NAGA: variants seen among roughly 807,000 people sequenced by gnomAD.
NAGA encodes the protein alpha-N-acetylgalactosaminidase, also known as Acetylgalactosaminidase, alpha-N- (alpha-galactosidase B).
In NAGA, 42 loss-of-function variants were observed where a neutral mutation model predicts 45.6. That is an observed-to-expected ratio of 0.92 (90% confidence interval 0.72 to 1.19). The LOEUF is 1.19. Among genes scored for constraint, NAGA ranks in the 50% most tolerant of loss-of-function variants. The probability of loss-of-function intolerance (pLI) is 0.00; values close to 1 mark genes in which losing one functional copy is unlikely to be tolerated. For missense variants in NAGA, 493 were observed against 544.8 expected (o/e 0.90, Z 0.95); for synonymous variants, 176 against 203.1 (o/e 0.87, Z 1.13).
chr22:42,067,817 A>G lies in NAGA; in HGVS notation c.272T>C (p.Leu91Pro), dbSNP rs2088556267. Residue 91 changes from leucine (L) to proline (P), a missense_variant, in exon 3 of 9, where the codon CTG (leucine) becomes CCG (proline). Transcript: ENST00000396398. ...WIGGRDASGR[L>P]MPDPKRFPHG... ...AGGGAAGCGCTTGGGATCCGGCATC[A>G]GGCGGCCACTGGCATCGCGACCACC... The G allele has an allele frequency of 6.2e-7, 1 of 1,612,524 alleles. No homozygotes were observed.
rs1482882514 is a variant in NAGA at position 42,070,372 on chromosome 22, A to C, written c.-75T>G. Reference sequence around the variant, plus strand: ...TCAGCTGTATGTGTTGGGCTCTGGAAGCTAAGAAACGTCTGAAAAGCACTG... The same window carrying C: ...TCAGCTGTATGTGTTGGGCTCTGGACGCTAAGAAACGTCTGAAAAGCACTG... On this transcript the variant is annotated 5_prime_UTR_variant, in exon 1 of 9. Transcript: ENST00000396398. The C allele has an allele frequency of 2.5e-6, 4 of 1,586,586 alleles. No individual in the cohort carries two copies. The South Asian group carries it at 3.3e-5, about 13-fold the overall frequency.
chr22:42,062,918 A>G lies in NAGA; in HGVS notation c.866T>C (p.Ile289Thr), dbSNP rs1044667196. 1.2e-6 allele frequency: 2 copies of G among 1,614,094 alleles called. No individual in the cohort carries two copies. Among genetic ancestry groups the G allele is most frequent in the Non-Finnish European group, 1.7e-6 (2 of 1,180,018 alleles). Reference sequence around the variant, plus strand: ...CAGAATGTCCATGTTCTGGGCGGAGATGGTACGCAGGTCTGTGGACATCAA... The same window carrying G: ...CAGAATGTCCATGTTCTGGGCGGAGGTGGTACGCAGGTCTGTGGACATCAA... ...PLLMSTDLRT[I>T]SAQNMDILQN... Residue 289 changes from isoleucine to threonine, a missense_variant, in exon 7 of 9, where the codon ATC becomes ACC. Physicochemically the swap from Ile to Thr is moderately conservative, Grantham distance 89 (BLOSUM62 -1). Transcript: ENST00000396398.
Position 42,067,819 on chromosome 22 carries a change from G to T in NAGA, c.270C>A (p.Arg90=), listed in dbSNP as rs547692110. ...GGAAGCGCTTGGGATCCGGCATCAG[G>T]CGGCCACTGGCATCGCGACCACCGA... is the stretch of plus-strand genomic sequence containing the variant. ...CWIGGRDASG[R]LMPDPKRFPH... Residue 90 remains arginine (R), a synonymous_variant, in exon 3 of 9, where the codon CGC becomes CGA. Coordinates refer to ENST00000396398, the MANE Select transcript of NAGA (RefSeq NM_000262.3). 1 of 1,612,330 alleles carries T rather than the reference G, an allele frequency of 6.2e-7. No individual in the cohort carries two copies. The highest frequency in any genetic ancestry group is 1.7e-5 in the Admixed American group (1 of 60,004).
Position 42,067,259 on chromosome 22 carries a change from T to C in NAGA, c.356A>G (p.Tyr119Cys). Reference protein sequence around the residue: ...VHSLGLKLGIYADMGNFTCMG... With the variant: ...VHSLGLKLGICADMGNFTCMG... Reference sequence around the variant, plus strand: ...GCAGGTGAAGTTGCCCATGTCCGCGTAGATACCCAACTTCAGGCCCAGGGA... The same window carrying C: ...GCAGGTGAAGTTGCCCATGTCCGCGCAGATACCCAACTTCAGGCCCAGGGA... The change falls in exon 4 of 9, where the codon TAC becomes TGC. Residue 119 changes from tyrosine (Y) to cysteine (C), a missense_variant. By Grantham distance (194) the Tyr-to-Cys change is radical. Transcript: ENST00000396398. 1 of 1,614,100 alleles carries C rather than the reference T, an allele frequency of 6.2e-7. No individual in the cohort carries two copies. The highest frequency in any genetic ancestry group is 8.5e-7 in the Non-Finnish European group (1 of 1,180,004).
intron 7 of NAGA, 105 bp from the exon 8 acceptor site, chr22:42,061,172 A>G: frequency 7.0e-7 from 1 of 1,420,484 alleles, no homozygotes; most frequent in Non-Finnish European, 9.7e-7. Context: ...TCACAGCTCC[A>G]TGTCACACAG....
chr22:42,070,457 G>C lies in NAGA; in HGVS notation c.-160C>G. 1.3e-6 allele frequency: 1 copy of C among 798,612 alleles called. No individual in the cohort carries two copies. Among genetic ancestry groups the C allele is most frequent in the Non-Finnish European group, 2.2e-6 (1 of 457,712 alleles). 49.5% of individuals were successfully genotyped at this position (798,612 alleles called of 1,614,324 possible). ...AACCTTAGGCGTGGATCGTACACTC[G>C]GTCCCCAAGTTGCCCGCCCCATCCC... On this transcript the variant is annotated 5_prime_UTR_variant, in exon 1 of 9. Transcript: ENST00000396398.
chr22:42,060,452 G>A (rs760756677), intron 8 of NAGA, 39 bp from the exon 9 acceptor site: 2 of 1,610,422 alleles, frequency 1.2e-6, no homozygotes, highest in Admixed American at 3.3e-5. Context: ...CACCATGAGA[G>A]TGGCGGCACA....
intron 3 of NAGA, among the ~76,000 whole-genome samples, 170 bp from the exon 4 acceptor site, chr22:42,067,460 C>T (rs1926809119): frequency 6.6e-6 from 1 of 152,198 alleles, no homozygotes; most frequent in Admixed American, 6.5e-5. Flanking sequence ...TCCCCCAACA[C>T]ACACCTCCCA....
At chr22:42,065,704 G>T in intron 6 of NAGA, 34 bp downstream of exon 6, 2 of 1,612,630 alleles carry the variant, frequency 1.2e-6, no homozygotes, top group Non-Finnish European at 1.7e-6. Context: ...GTCACAGATG[G>T]TGGGCCTAGG....
At chr22:42,061,140 C>T in intron 7 of NAGA, 73 bp from the exon 8 acceptor site, 1 of 1,568,602 alleles carries the variant, frequency 6.4e-7, no homozygotes, top group East Asian at 2.3e-5. Context: ...CCTGGCCCTC[C>T]CTGAGTTCTG....
chr22:42,065,720 C>T lies in NAGA; in HGVS notation c.759+18G>A. 1.2e-6 allele frequency: 2 copies of T among 1,613,254 alleles called. No individual in the cohort carries two copies. The highest frequency in any genetic ancestry group is 1.7e-6 in the Non-Finnish European group (2 of 1,179,952). ...TCACAGATGGTGGGCCTAGGGACATCCCCCTCCATCCTGGTACCATGTCAG... is the reference window on the plus strand; with the variant it reads ...TCACAGATGGTGGGCCTAGGGACATTCCCCTCCATCCTGGTACCATGTCAG... On this transcript the variant is annotated intron_variant, in intron 6 of 8. Coordinates refer to ENST00000396398, the MANE Select transcript of NAGA (RefSeq NM_000262.3).
At position 42,061,195 on chromosome 22, in the gene NAGA, T is replaced by A; in HGVS notation, c.958-128A>T. 2.5e-6 allele frequency: 3 copies of A among 1,208,198 alleles called. No individual in the cohort carries two copies. In the South Asian group the frequency reaches 3.9e-5, roughly 16 times the overall value. 74.8% of individuals were successfully genotyped at this position (1,208,198 alleles called of 1,614,324 possible). On this transcript the variant is annotated intron_variant, in intron 7 of 8. Coordinates refer to ENST00000396398, the MANE Select transcript of NAGA (RefSeq NM_000262.3). ...CCATGTCACACAGGTTTAGGGAGGA[T>A]GCCACGGGCCTCCAGCACCCCAGCT... is the stretch of plus-strand genomic sequence containing the variant.
intron 8 of NAGA, 138 bp from the exon 9 acceptor site, chr22:42,060,551 G>T: frequency 8.0e-7 from 1 of 1,248,266 alleles, no homozygotes; most frequent in Non-Finnish European, 1.1e-6. Flanking sequence ...ACAGAAGTGG[G>T]AGCCCTGAAT....
Position 42,067,757 on chromosome 22 carries a change from C to A in NAGA, c.324+8G>T. ...TGAGGCCAAGGGCAGGGCTGGGGTG[C>A]GGCTCACGTAGTCAGCCAGGAAAGG... On this transcript the variant is annotated splice_region_variant and intron_variant, in intron 3 of 8. Transcript: ENST00000396398. 1 of 1,610,656 alleles carries A rather than the reference C, an allele frequency of 6.2e-7. No homozygotes were observed. The highest frequency in any genetic ancestry group is 1.3e-5 in the African/African-American group (1 of 75,002).
Position 42,065,901 on chromosome 22 carries a change from T to C in NAGA, c.598-2A>G. On this transcript the variant is annotated splice_acceptor_variant, in intron 5 of 8. Transcript: ENST00000396398. LOFTEE classifies it high-confidence loss of function. ...GTCCGCCAGCAGACTGTAGTTCACC[T>C]GGATGTCGAGGGGAAGGCAGAGTCC... 1 of 1,613,940 alleles carries C rather than the reference T, an allele frequency of 6.2e-7. No individual in the cohort carries two copies. The highest frequency in any genetic ancestry group is 1.1e-5 in the South Asian group (1 of 91,022).
At chr22:42,065,984 C>G (rs1926705717) in intron 5 of NAGA, 85 bp from the exon 6 acceptor site, 4 of 1,510,888 alleles carry the variant, frequency 2.6e-6, no homozygotes, top group Non-Finnish European at 2.7e-6. Context: ...GGAGGCTCAG[C>G]AGGAGAGACA....
chr22:42,060,686 G>C lies in NAGA; in HGVS notation c.1101+238C>G, dbSNP rs9620016. Among the ~76,000 whole-genome samples, 10,977 of 152,232 alleles carry C rather than the reference G, an allele frequency of 0.072. 1,348 individuals carry two copies. Among genetic ancestry groups the C allele is most frequent in the African/African-American group, 0.25 (10,380 of 41,504 alleles). Reference sequence around the variant, plus strand: ...GCTGACCCTTGGGAGGAGTACAGCCGTAGAGGCTAATGGGATTCATATTTA... The same window carrying C: ...GCTGACCCTTGGGAGGAGTACAGCCCTAGAGGCTAATGGGATTCATATTTA... On this transcript the variant is annotated intron_variant, in intron 8 of 8. Coordinates refer to ENST00000396398, the MANE Select transcript of NAGA (RefSeq NM_000262.3).
chr22:42,067,809 C>T lies in NAGA; in HGVS notation c.280G>A (p.Asp94Asn), dbSNP rs73167107. 2,878 of 1,612,702 alleles carry T rather than the reference C, an allele frequency of 1.8e-3. 7 individuals are homozygous for T. Among genetic ancestry groups the T allele is most frequent in the Non-Finnish European group, 2.2e-3 (2,602 of 1,179,946 alleles). ...ATGCCATGAGGGAAGCGCTTGGGAT[C>T]CGGCATCAGGCGGCCACTGGCATCG... ...GRDASGRLMPDPKRFPHGIPF... is the reference protein window; with the variant it reads ...GRDASGRLMPNPKRFPHGIPF... The change falls in exon 3 of 9, where the codon GAT (aspartate) becomes AAT (asparagine). Residue 94 changes from aspartate to asparagine, a missense_variant. Physicochemically the swap from Asp to Asn is conservative, Grantham distance 23. Coordinates refer to ENST00000396398, the MANE Select transcript of NAGA (RefSeq NM_000262.3).
At chr22:42,062,348 G>C (rs1031512169) in intron 7 of NAGA, among the ~76,000 whole-genome samples, 2 of 151,966 alleles carry the variant, frequency 1.3e-5, no homozygotes, top group African/African-American at 4.8e-5. Context: ...CGCCTGTAGT[G>C]CCAGCTACTC....
Sources: allele counts gnomAD v4.1 joint callset (sites outside exome capture counted in the v4.1 genomes callset), GRCh38; gene constraint gnomAD v4.1.1; transcripts MANE v1.5; gene names NCBI Gene and HGNC (gene_info 2026-07-23, HGNC 2026-07-21).